The following ZC3H12C variants were observed in gnomAD, a reference collection of about 807,000 sequenced individuals.
ZC3H12C encodes the protein zinc finger CCCH-type containing 12C, also known as probable ribonuclease ZC3H12C.
In ZC3H12C, 20 loss-of-function variants were observed where a neutral mutation model predicts 76.3. The observed-to-expected ratio is 0.26, with a 90% CI of 0.18 to 0.38. The LOEUF (loss-of-function observed/expected upper bound fraction) is 0.38, where lower values mean the gene tolerates loss of function less well. Among genes scored for constraint, ZC3H12C ranks in the 10% least tolerant of loss-of-function variants. The pLI, the probability that ZC3H12C is intolerant of heterozygous loss-of-function variation, is 1.00. For missense variants in ZC3H12C, 874 were observed against 1,086.5 expected, an observed-to-expected ratio of 0.80 and a Z score of 2.75; for synonymous variants, 352 against 399.6, an observed-to-expected ratio of 0.88 and a Z score of 1.42.
chr11:110,093,683 G>A (rs537990257), intron 1 of ZC3H12C, among the ~76,000 whole-genome samples: 4 of 152,014 alleles, frequency 2.6e-5, no homozygotes, highest in African/African-American at 4.8e-5. Context: ...CGCCGTCCCC[G>A]CCGGGATTTC....
At chr11:110,131,146 T>A in intron 1 of ZC3H12C, 1 of 1,430,800 alleles carries the variant, frequency 7.0e-7, no homozygotes, top group Non-Finnish European at 9.5e-7. Flanking sequence ...GAAGTTAAAC[T>A]TTGCTAAATA....
chr11:110,109,283 C>G (rs1194537393), intron 1 of ZC3H12C, among the ~76,000 whole-genome samples: 1 of 152,154 alleles, frequency 6.6e-6, no homozygotes, highest in Non-Finnish European at 1.5e-5. Context: ...GGAATGGAAT[C>G]AAGTATATAA....
rs1565260047 is a variant in ZC3H12C, at chr11:110,136,728, C to T, written c.87C>T (p.Asn29=). The T allele has an allele frequency of 6.2e-7, 1 of 1,613,986 alleles. No individual in the cohort carries two copies. Among genetic ancestry groups the T allele is most frequent in the East Asian group, 2.2e-5 (1 of 44,884 alleles). ...GCAAAGTGGAGTCAAGTACACGTAA[C>T]AACTTCATGGGCTTGAAGGATCACC... ...KNSKVESSTR[N]NFMGLKDHLG... The change falls in exon 2 of 6, where the codon AAC becomes AAT. Residue 29 remains asparagine, a synonymous_variant. Transcript: ENST00000278590.
chr11:110,168,660 T>C lies in ZC3H12C; in HGVS notation c.*2923T>C, dbSNP rs944278536. On this transcript the variant is annotated 3_prime_UTR_variant, in exon 6 of 6. Transcript: ENST00000278590. ...TTTACACAGTAACTAGCCAGTCTGT[T>C]GTCTCTGTGTCTTAGTCCAGAGGGA... The C allele has an allele frequency of 2.0e-5, 3 of 152,322 alleles. No homozygotes were observed. The highest frequency in any genetic ancestry group is 6.5e-5 in the Admixed American group (1 of 15,302). The allele number at this position is 152,322 out of a possible 1,614,324, so 9.4% of individuals were successfully genotyped here. A position where few individuals can be genotyped will look rare whatever the true frequency, so the allele number is the denominator to read the frequency against.
intron 2 of ZC3H12C, among the ~76,000 whole-genome samples, chr11:110,145,605 G>A (rs902979760): frequency 6.3e-5 from 9 of 143,106 alleles, no homozygotes; most frequent in Non-Finnish European, 1.2e-4. Context: ...AATTGGGGGC[G>A]GGGGGGAGTT....
intron 1 of ZC3H12C, among the ~76,000 whole-genome samples, chr11:110,101,239 G>A (rs1861208262): frequency 6.6e-6 from 1 of 152,214 alleles, no homozygotes; most frequent in Non-Finnish European, 1.5e-5. Flanking sequence ...AAAGCTAGCA[G>A]AGGCTGGTTC....
intron 3 of ZC3H12C, among the ~76,000 whole-genome samples, chr11:110,156,633 T>C (rs1449760209): frequency 6.6e-6 from 1 of 152,186 alleles, no homozygotes; most frequent in East Asian, 1.9e-4. Context: ...AGATTACTCA[T>C]GAACATAAGA....
At chr11:110,125,446 G>A (rs533669496) in intron 1 of ZC3H12C, among the ~76,000 whole-genome samples, 5 of 152,030 alleles carry the variant, frequency 3.3e-5, no homozygotes, top group South Asian at 2.1e-4. Context: ...TCAGCCTCCC[G>A]AATAACTGGA....
chr11:110,138,106 A>G (rs964626601), intron 2 of ZC3H12C, among the ~76,000 whole-genome samples: 4 of 151,802 alleles, frequency 2.6e-5, no homozygotes, highest in African/African-American at 9.7e-5. Context: ...AAATATATAT[A>G]TATATTTAAA....
chr11:110,095,590 A>G (rs901714706), intron 1 of ZC3H12C, among the ~76,000 whole-genome samples: 6 of 152,220 alleles, frequency 3.9e-5, no homozygotes, highest in African/African-American at 1.4e-4. Context: ...ATAATTACTT[A>G]TTATCACTCT....
chr11:110,116,028 G>A (rs961728430), intron 1 of ZC3H12C, among the ~76,000 whole-genome samples: 7 of 152,138 alleles, frequency 4.6e-5, no homozygotes, highest in Non-Finnish European at 1.0e-4. Context: ...CCAAAGTGCT[G>A]GGATTACAGG....
chr11:110,120,193 A>G (rs188318780), intron 1 of ZC3H12C, among the ~76,000 whole-genome samples: 1 of 152,162 alleles, frequency 6.6e-6, no homozygotes, highest in African/African-American at 2.4e-5. Context: ...GCTAAGGGAA[A>G]TGGTCTCTGG....
chr11:110,143,770 C>T (rs777509012), intron 2 of ZC3H12C, among the ~76,000 whole-genome samples: 27 of 152,280 alleles, frequency 1.8e-4, no homozygotes, highest in Admixed American at 6.5e-4. Flanking sequence ...AGTCCTCCCA[C>T]CTAAGCCTCC....
intron 2 of ZC3H12C, among the ~76,000 whole-genome samples, chr11:110,145,370 T>C (rs372483136): frequency 1.5e-3 from 232 of 152,328 alleles, no homozygotes; most frequent in African/African-American, 5.3e-3. Flanking sequence ...GAAAGCCTTA[T>C]GAAGAATATG....
intron 1 of ZC3H12C, among the ~76,000 whole-genome samples, chr11:110,130,691 C>T (rs901731858): frequency 6.6e-6 from 1 of 152,152 alleles, no homozygotes; most frequent in African/African-American, 2.4e-5. Flanking sequence ...TGAAGTCTGC[C>T]CAAGCCAGGT....
At position 110,165,559 on chromosome 11, in the gene ZC3H12C, G is replaced by T; in HGVS notation, c.2474G>T (p.Cys825Phe). 6.2e-7 allele frequency: 1 copy of T among 1,613,248 alleles called. No homozygotes were observed. Among genetic ancestry groups the T allele is most frequent in the Non-Finnish European group, 8.5e-7 (1 of 1,179,566 alleles). ...GAGCCAGCCTGGCGGATCCCATACT[G>T]TGGAATGCCGCAAGATCCCCCGAGG... The part of the protein sequence containing the change: ...QQEPAWRIPY[C>F]GMPQDPPRYQ... Residue 825 changes from cysteine to phenylalanine, a missense_variant, in exon 6 of 6, where the codon TGT becomes TTT. Coordinates refer to ENST00000278590, the MANE Select transcript of ZC3H12C (RefSeq NM_033390.2).
chr11:110,138,098 A>G (rs185637723), intron 2 of ZC3H12C, among the ~76,000 whole-genome samples: 4 of 151,324 alleles, frequency 2.6e-5, no homozygotes, highest in Admixed American at 1.3e-4. Flanking sequence ...CTATAGCAAA[A>G]TATATATATA....
rs191567146 is a variant in ZC3H12C, at chr11:110,103,134, T to C, written c.21+9702T>C. 4.3e-3 allele frequency among the ~76,000 whole-genome samples: 654 copies of C among 152,298 alleles called. 5 individuals carry two copies. Among genetic ancestry groups the C allele is most frequent in the Non-Finnish European group, 2.2e-3 (149 of 68,012 alleles). Reference sequence around the variant, plus strand: ...GGTATGCCTATGGATGAGTAAGAGATGGTTACAATAATACATGCCAAGCAG... The same window carrying C: ...GGTATGCCTATGGATGAGTAAGAGACGGTTACAATAATACATGCCAAGCAG... On this transcript the variant is annotated intron_variant, in intron 1 of 5. Transcript: ENST00000278590.
chr11:110,159,035 A>AT (rs36078930), intron 3 of ZC3H12C, among the ~76,000 whole-genome samples: 104,059 of 151,980 alleles, frequency 0.68, 36,527 homozygotes, highest in South Asian at 0.79. Flanking sequence ...TACTGTTCGT[A>AT]TTTTTTTAAC....
Sources: allele counts gnomAD v4.1 joint callset (sites outside exome capture counted in the v4.1 genomes callset), GRCh38; gene constraint gnomAD v4.1.1; transcripts MANE v1.5; gene names NCBI Gene and HGNC (gene_info 2026-07-23, HGNC 2026-07-21).